Variants in ARHGAP17 observed in about 807,000 individuals in gnomAD.
ARHGAP17 encodes the protein Rho GTPase activating protein 17, also known as rho GTPase-activating protein 17.
Under a neutral mutation model 99.5 loss-of-function variants are expected in ARHGAP17, and 57 were observed. That is an observed-to-expected ratio of 0.57 (90% CI 0.46 to 0.71). The LOEUF is 0.71. Among genes scored for constraint, ARHGAP17 ranks in the 30% least tolerant of loss-of-function variants. The pLI, the probability that ARHGAP17 is intolerant of heterozygous loss-of-function variation, is 0.00. For synonymous variants in ARHGAP17, 417 were observed against 429.6 expected (o/e 0.97, Z 0.36); for missense variants, 1,000 against 1,122.4 (o/e 0.89, Z 1.56).
intron 16 of ARHGAP17, chr16:24,939,910 GT>G (rs1208116153): frequency 5.5e-6 from 2 of 361,036 alleles, no homozygotes; most frequent in African/African-American, 2.2e-5. Context: ...TTCCTCTGCT[GT>G]TTTTTTCCCC....
intron 1 of ARHGAP17, among the ~76,000 whole-genome samples, chr16:24,996,733 C>T (rs539117739): frequency 6.6e-6 from 1 of 152,182 alleles, no homozygotes; most frequent in East Asian, 1.9e-4. Context: ...TTAAGAATAT[C>T]TAATTTACAG....
intron 1 of ARHGAP17, among the ~76,000 whole-genome samples, chr16:24,998,185 A>G (rs952464862): frequency 2.0e-5 from 3 of 152,006 alleles, no homozygotes; most frequent in African/African-American, 7.3e-5. Flanking sequence ...CAGGGACAGG[A>G]AAGTGGGAGG....
chr16:24,957,944 C>T (rs1209140873), intron 9 of ARHGAP17, among the ~76,000 whole-genome samples: 1 of 152,066 alleles, frequency 6.6e-6, no homozygotes, highest in Non-Finnish European at 1.5e-5. Flanking sequence ...CAAGATAAGT[C>T]TTTCTGAAAA....
chr16:24,971,157 A>G (rs976896877), intron 3 of ARHGAP17, among the ~76,000 whole-genome samples: 5 of 151,910 alleles, frequency 3.3e-5, no homozygotes, highest in African/African-American at 1.2e-4. Context: ...GGCATGAACC[A>G]TCACGCCCAG....
chr16:25,012,748 T>C (rs1166523616), intron 1 of ARHGAP17, among the ~76,000 whole-genome samples: 1 of 152,238 alleles, frequency 6.6e-6, no homozygotes, highest in African/African-American at 2.4e-5. Flanking sequence ...GTTCTGACTT[T>C]GGGTGCATAA....
At chr16:24,999,155 C>G (rs2053287196) in intron 1 of ARHGAP17, among the ~76,000 whole-genome samples, 2 of 152,126 alleles carry the variant, frequency 1.3e-5, no homozygotes, top group Non-Finnish European at 2.9e-5. Flanking sequence ...TCAATGACTT[C>G]GAATTTTTTA....
chr16:24,954,397 T>C (rs922425223), intron 10 of ARHGAP17, among the ~76,000 whole-genome samples: 1 of 152,216 alleles, frequency 6.6e-6, no homozygotes, highest in East Asian at 1.9e-4. Flanking sequence ...GTTTCATTCA[T>C]AGACAGATAG....
chr16:24,994,374 C>A (rs2053135208), intron 1 of ARHGAP17, among the ~76,000 whole-genome samples: 1 of 152,182 alleles, frequency 6.6e-6, no homozygotes, highest in Admixed American at 6.5e-5. Flanking sequence ...ACAAATTCAA[C>A]CACAGGCTGG....
intron 3 of ARHGAP17, among the ~76,000 whole-genome samples, chr16:24,972,923 T>C (rs2052408791): frequency 6.8e-6 from 1 of 147,980 alleles, no homozygotes; most frequent in African/African-American, 2.5e-5. Context: ...AACAGCTTTC[T>C]ATCATCAGGG....
rs183670927 is a variant in ARHGAP17, at chr16:24,941,019, G to A, written c.1490+968C>T. Among the ~76,000 whole-genome samples, 7 of 152,264 alleles carry A rather than the reference G, an allele frequency of 4.6e-5. No individual in the cohort carries two copies. In the East Asian group the frequency reaches 1.2e-3, roughly 25 times the overall value. On this transcript the variant is annotated intron_variant, in intron 16 of 19. Transcript: ENST00000289968. ...TTGTTACAGGTAGAGTCTGTCATCA[G>A]GAAATACTACTGAATGTATGAATGA...
At chr16:24,994,441 C>T (rs139421612) in intron 1 of ARHGAP17, among the ~76,000 whole-genome samples, 19 of 152,260 alleles carry the variant, frequency 1.2e-4, no homozygotes, top group African/African-American at 4.6e-4. Flanking sequence ...CAAATATTTT[C>T]GGGTTCCCTT....
chr16:24,929,664 T>C (rs1341815875), intron 19 of ARHGAP17: 1 of 987,792 alleles, frequency 1.0e-6, no homozygotes, highest in Admixed American at 6.1e-5. Flanking sequence ...AGGGCATCTA[T>C]TGGGAAACAA....
Position 24,920,066 on chromosome 16 carries a change from G to A in ARHGAP17, c.*64C>T. ...TCACTGTTCGGTCTGCAAAGAAAGA[G>A]GTTCGCCTGCCCCTGCTCCACTCGC... On this transcript the variant is annotated 3_prime_UTR_variant, in exon 20 of 20. Transcript: ENST00000289968. 3.2e-6 allele frequency: 5 copies of A among 1,586,400 alleles called. No individual in the cohort carries two copies. Among genetic ancestry groups the A allele is most frequent in the Non-Finnish European group, 4.3e-6 (5 of 1,162,522 alleles).
chr16:24,961,707 GT>G (rs1484126095), intron 7 of ARHGAP17, among the ~76,000 whole-genome samples: 3 of 150,148 alleles, frequency 2.0e-5, no homozygotes, highest in Admixed American at 2.0e-4. Context: ...ATATTTTTCT[GT>G]TTTTTAGTAG....
intron 16 of ARHGAP17, among the ~76,000 whole-genome samples, chr16:24,941,285 C>T (rs1217009460): frequency 6.6e-6 from 1 of 152,196 alleles, no homozygotes; most frequent in Non-Finnish European, 1.5e-5. Flanking sequence ...TTACTTCCAA[C>T]AGGCCTCTTA....
intron 9 of ARHGAP17, 92 bp from the exon 10 acceptor site, chr16:24,954,822 C>T (rs142219319): frequency 4.4e-5 from 67 of 1,536,108 alleles, no homozygotes; most frequent in Admixed American, 2.0e-4. Context: ...CTTTTCTAGC[C>T]GACTGGTAGG....
At chr16:24,956,585 GA>G (rs1412150020) in intron 9 of ARHGAP17, 8 of 152,236 alleles carry the variant, frequency 5.3e-5, no homozygotes, top group African/African-American at 1.9e-4. Flanking sequence ...TTGTCCAGAG[GA>G]GTCGGATAGG....
chr16:25,003,965 A>G (rs1489708520), intron 1 of ARHGAP17, among the ~76,000 whole-genome samples: 1 of 152,214 alleles, frequency 6.6e-6, no homozygotes, highest in Admixed American at 6.5e-5. Context: ...TGAAAATAGA[A>G]GAGCTGGAGA....
intron 1 of ARHGAP17, among the ~76,000 whole-genome samples, chr16:25,011,423 G>C (rs1000570663): frequency 2.0e-5 from 3 of 152,192 alleles, no homozygotes; most frequent in Admixed American, 6.5e-5. Flanking sequence ...GTGGAACCGA[G>C]GCCAGGCGCA....
Sources: allele counts gnomAD v4.1 joint callset (sites outside exome capture counted in the v4.1 genomes callset), GRCh38; gene constraint gnomAD v4.1.1; transcripts MANE v1.5; gene names NCBI Gene and HGNC (gene_info 2026-07-23, HGNC 2026-07-21).